Variants in DNAH6 observed in about 807,000 individuals in gnomAD.
DNAH6 encodes the protein dynein axonemal heavy chain 6, also known as axonemal beta dynein heavy chain 6.
A neutral mutation model predicts 491.4 loss-of-function variants in DNAH6; 340 were observed. That is an observed-to-expected ratio of 0.69 (90% CI 0.63 to 0.76). The LOEUF is 0.76. DNAH6 is among the 30% of genes least tolerant of loss of function. DNAH6 has a pLI of 0.00. For missense variants in DNAH6, 4,443 were observed against 4,972.2 expected, an observed-to-expected ratio of 0.89 and a Z score of 3.20; for synonymous variants, 1,603 against 1,686.1, an observed-to-expected ratio of 0.95 and a Z score of 1.21.
At chr2:84,679,729 G>A (rs1918689) in intron 41 of DNAH6, among the ~76,000 whole-genome samples, 113,782 of 152,140 alleles carry the variant, frequency 0.75, 42,966 homozygotes, top group East Asian at 0.92. Context: ...ATGGATACCA[G>A]TTTAGTAGCC....
intron 65 of DNAH6, 130 bp downstream of exon 65, chr2:84,781,783 G>A: frequency 1.7e-6 from 2 of 1,154,098 alleles, no homozygotes; most frequent in Non-Finnish European, 2.3e-6. Context: ...AGAAATTTGA[G>A]GCCTAGACAG....
chr2:84,766,401 C>T (rs1024460026), intron 64 of DNAH6, among the ~76,000 whole-genome samples: 2 of 151,832 alleles, frequency 1.3e-5, no homozygotes, highest in African/African-American at 4.8e-5. Flanking sequence ...TTTTGGGAAA[C>T]AAAAAAATGC....
At chr2:84,524,881 C>T (rs1676469113) in intron 2 of DNAH6, among the ~76,000 whole-genome samples, 1 of 152,078 alleles carries the variant, frequency 6.6e-6, no homozygotes, top group Non-Finnish European at 1.5e-5. Flanking sequence ...AACAGCTAGC[C>T]TTTTCCTTTC....
At chr2:84,758,550 G>A (rs1427645896) in intron 63 of DNAH6, among the ~76,000 whole-genome samples, 18 of 151,712 alleles carry the variant, frequency 1.2e-4, no homozygotes, top group Admixed American at 1.2e-3. Context: ...CTAATTCAAT[G>A]GTACATCAAA....
At chr2:84,641,592 G>A (rs1239862211) in intron 32 of DNAH6, among the ~76,000 whole-genome samples, 1 of 152,154 alleles carries the variant, frequency 6.6e-6, no homozygotes, top group African/African-American at 2.4e-5. Flanking sequence ...GTTTCGCAGG[G>A]GAAATAAGAG....
chr2:84,616,014 T>A (rs1452973986), intron 22 of DNAH6, among the ~76,000 whole-genome samples: 1 of 152,118 alleles, frequency 6.6e-6, no homozygotes, highest in Non-Finnish European at 1.5e-5. Context: ...CTTTTGGAGT[T>A]GATTTCCAAT....
chr2:84,598,176 T>TTTCTTTCTTTCC, intron 18 of DNAH6, among the ~76,000 whole-genome samples: 1 of 75,406 alleles, frequency 1.3e-5, no homozygotes, highest in Non-Finnish European at 3.4e-5. Flanking sequence ...TCTTTCTTTC[T>TTTCTTTCTTTCC]TTCTCTCTTT....
In DNAH6 at chr2:84,781,512, G is replaced by A; in HGVS notation, c.10723G>A (p.Gly3575Arg). The change falls in exon 65 of 77, where the codon GGG (glycine) becomes AGG (arginine). Residue 3575 changes from glycine to arginine, a missense_variant. By Grantham distance (125) the Gly-to-Arg change is moderately radical. This residue lies in a region of DNAH6 where 1,463 missense variants were observed against 1,656.6 expected (regional missense o/e 0.88). Transcript: ENST00000389394. ...YSERVQSISL[G>R]QGQGPIAEKM... The stretch of plus-strand genomic sequence containing the variant: ...ATTCAGGGTGCAGTCAATTTCACTG[G>A]GGCAAGGACAAGGACCTATTGCTGA... 1 of 1,549,812 alleles carries A rather than the reference G, an allele frequency of 6.5e-7. No homozygotes were observed. Among genetic ancestry groups the A allele is most frequent in the South Asian group, 1.2e-5 (1 of 83,878 alleles).
chr2:84,805,869 G>A (rs1679370904), intron 71 of DNAH6, 75 bp downstream of exon 71: 2 of 1,380,370 alleles, frequency 1.4e-6, no homozygotes, highest in Non-Finnish European at 1.9e-6. Flanking sequence ...TGATAAACAG[G>A]TGTCAAAACC....
In DNAH6 at chr2:84,584,190, T is replaced by G; in HGVS notation, c.2421T>G (p.His807Gln). 1 of 1,614,140 alleles carries G rather than the reference T, an allele frequency of 6.2e-7. No homozygotes were observed. Among genetic ancestry groups the G allele is most frequent in the Non-Finnish European group, 8.5e-7 (1 of 1,180,002 alleles). ...CAAGCATTAAGCAATTTTGTGTGCATTTGGGTAGTGATCTTGAAGAATTAA... is the reference window on the plus strand; with the variant it reads ...CAAGCATTAAGCAATTTTGTGTGCAGTTGGGTAGTGATCTTGAAGAATTAA... ...RESSIKQFCV[H>Q]LGSDLEELNN... Residue 807 changes from histidine to glutamine, a missense_variant, in exon 15 of 77, where the codon CAT (histidine) becomes CAG (glutamine). By Grantham distance (24) the His-to-Gln change is conservative (BLOSUM62 0). Transcript: ENST00000389394.
In DNAH6 at chr2:84,574,628, G is replaced by A. The variant is rs1415229786; in HGVS notation, c.1924+1041G>A. 2.0e-5 allele frequency among the ~76,000 whole-genome samples: 3 copies of A among 152,078 alleles called. No individual in the cohort carries two copies. The East Asian group carries it at 5.8e-4, about 29-fold the overall frequency. On this transcript the variant is annotated intron_variant, in intron 12 of 76. Transcript: ENST00000389394. ...AATTTAGAAAACAAAATTTAGACAA[G>A]CCTACTTCCACTGTTCTTTGACAAC...
chr2:84,459,633 A>G, the DNAH6 span: 78,367 of 236,982 alleles, frequency 0.33, 14,832 homozygotes, highest in South Asian at 0.43. Context: ...GACCGGGGAG[A>G]CAAGGGACTT....
At chr2:84,479,022 G>C in the DNAH6 span, among the ~76,000 whole-genome samples, 1 of 152,016 alleles carries the variant, frequency 6.6e-6, no homozygotes, top group Non-Finnish European at 1.5e-5. Flanking sequence ...ACTCCTCTCT[G>C]ATGCTACACT....
intron 72 of DNAH6, among the ~76,000 whole-genome samples, 162 bp from the exon 73 acceptor site, chr2:84,812,179 G>A (rs1387093195): frequency 2.0e-5 from 3 of 152,202 alleles, no homozygotes; most frequent in African/African-American, 2.4e-5. Flanking sequence ...GTAGTAATGC[G>A]TGAAATATTG....
rs960127853 is a variant in DNAH6 at position 84,606,607 on chromosome 2, A to G, written c.3175-369A>G. On this transcript the variant is annotated intron_variant, in intron 20 of 76. Coordinates refer to ENST00000389394, the MANE Select transcript of DNAH6 (RefSeq NM_001370.2). ...TGGACAGAAGACAGCTAATTTTGCC[A>G]GTATATGATATTTTGAGAAATAAAG... Among the ~76,000 whole-genome samples the G allele has an allele frequency of 2.0e-5, 3 of 152,214 alleles. No homozygotes were observed. In the East Asian group the frequency reaches 5.8e-4, roughly 29 times the overall value.
At chr2:84,485,527 A>T in the DNAH6 span, among the ~76,000 whole-genome samples, 1 of 152,068 alleles carries the variant, frequency 6.6e-6, no homozygotes, top group African/African-American at 2.4e-5. Flanking sequence ...CTGCATTAAG[A>T]CCTAGGATGA....
At position 84,722,929 on chromosome 2, in the gene DNAH6, G is replaced by A. The variant is rs1698300572; in HGVS notation, c.9972+125G>A. 9.8e-6 allele frequency: 6 copies of A among 614,174 alleles called. No individual in the cohort carries two copies. In the South Asian group the frequency reaches 1.2e-4, roughly 12 times the overall value. The allele number at this position is 614,174 out of a possible 1,614,324, so 38.0% of individuals were successfully genotyped here. Reference sequence around the variant, plus strand: ...GGTAAAATCTCCCAGGTGCATGCAAGGTTCAAGAGTGGTTCCAGCCAGGCA... The same window carrying A: ...GGTAAAATCTCCCAGGTGCATGCAAAGTTCAAGAGTGGTTCCAGCCAGGCA... On this transcript the variant is annotated intron_variant, in intron 60 of 76. Transcript: ENST00000389394.
At chr2:84,806,165 C>T (rs572330006) in intron 71 of DNAH6, among the ~76,000 whole-genome samples, 2 of 152,266 alleles carry the variant, frequency 1.3e-5, no homozygotes, top group East Asian at 3.9e-4. Flanking sequence ...TCATTTGTAC[C>T]AGTCACATTT....
chr2:84,670,562 T>A, intron 39 of DNAH6, 87 bp downstream of exon 39: 2 of 964,106 alleles, frequency 2.1e-6, no homozygotes, highest in East Asian at 5.5e-5. Flanking sequence ...AAAATGACAG[T>A]TGGATATTTT....
Sources: gnomAD v4.1 joint callset for allele counts (sites outside exome capture counted in the v4.1 genomes callset) on GRCh38, gnomAD v4.1.1 for gene constraint, gnomAD v4.1.1 regional missense constraint, MANE v1.5 for transcripts, NCBI Gene and HGNC (gene_info 2026-07-23, HGNC 2026-07-21) for gene names.